CCDC7: variants seen among roughly 807,000 people sequenced by gnomAD.
CCDC7 encodes coiled-coil domain-containing protein 7.
CCDC7 carries 183 observed loss-of-function variants against 196.9 expected under a neutral mutation model. The ratio of observed to expected loss-of-function variants is 0.93; its 90% confidence interval spans 0.82 to 1.05. The LOEUF is 1.05. Among genes scored for constraint, CCDC7 ranks in the 50% least tolerant of loss-of-function variants. The pLI, the probability that CCDC7 is intolerant of heterozygous loss-of-function variation, is 0.00. For synonymous variants in CCDC7, 525 were observed against 484.6 expected (o/e 1.08, Z -1.10); for missense variants, 1,540 against 1,482.2 (o/e 1.04, Z -0.64).
At chr10:32,842,987 G>A (rs192766855) in intron 33 of CCDC7, among the ~76,000 whole-genome samples, 13 of 151,986 alleles carry the variant, frequency 8.6e-5, no homozygotes, top group Non-Finnish European at 1.6e-4. Context: ...TGGGTACAGT[G>A]TACACTGCTC....
At chr10:32,798,806 G>T (rs1004345808) in intron 29 of CCDC7, among the ~76,000 whole-genome samples, 1 of 152,196 alleles carries the variant, frequency 6.6e-6, no homozygotes, top group African/African-American at 2.4e-5. Context: ...CTAGAAAGGG[G>T]CTGTAGTGCT....
intron 41 of CCDC7, among the ~76,000 whole-genome samples, chr10:32,871,468 G>A (rs1297063372): frequency 2.7e-5 from 4 of 149,884 alleles, no homozygotes; most frequent in African/African-American, 1.0e-4. Context: ...ATTTTTTATT[G>A]CGTCTATTTG....
intron 25 of CCDC7, among the ~76,000 whole-genome samples, chr10:32,720,574 A>G (rs1047221500): frequency 6.6e-6 from 1 of 152,134 alleles, no homozygotes; most frequent in Non-Finnish European, 1.5e-5. Context: ...AACTATAATT[A>G]TAATTTAAAA....
intron 2 of CCDC7, among the ~76,000 whole-genome samples, chr10:32,454,085 G>A (rs1348990380): frequency 6.6e-6 from 1 of 152,082 alleles, no homozygotes; most frequent in African/African-American, 2.4e-5. Context: ...TTAGGATGTG[G>A]GGAAGCTAAA....
intron 21 of CCDC7, among the ~76,000 whole-genome samples, chr10:32,675,275 T>C (rs956346519): frequency 2.6e-5 from 4 of 152,160 alleles, no homozygotes; most frequent in Admixed American, 2.0e-4. Context: ...TTCTTTACGA[T>C]TACCATGAGG....
chr10:32,755,184 C>T (rs1223464689), intron 28 of CCDC7, among the ~76,000 whole-genome samples: 2 of 152,310 alleles, frequency 1.3e-5, no homozygotes, highest in East Asian at 1.9e-4. Context: ...GACTCCACCT[C>T]TGGGGGCAGG....
At chr10:32,643,067 T>G (rs2067127075) in intron 20 of CCDC7, among the ~76,000 whole-genome samples, 2 of 152,214 alleles carry the variant, frequency 1.3e-5, no homozygotes, top group Non-Finnish European at 2.9e-5. Context: ...ATTTTTTGAT[T>G]TCCTTTAATT....
At chr10:32,882,055 G>A (rs888685471), downstream of CCDC7, among the ~76,000 whole-genome samples, 1 of 152,100 alleles carries the variant, frequency 6.6e-6, no homozygotes, top group Admixed American at 6.6e-5. Context: ...AAGTCCATAA[G>A]AGCCAGTCTC....
intron 20 of CCDC7, among the ~76,000 whole-genome samples, chr10:32,660,587 C>A (rs1368538333): frequency 1.4e-5 from 2 of 146,452 alleles, no homozygotes; most frequent in Non-Finnish European, 3.0e-5. Flanking sequence ...AATAAACATA[C>A]GTGTGCATGT....
intron 33 of CCDC7, among the ~76,000 whole-genome samples, chr10:32,836,665 G>T (rs558511634): frequency 6.6e-6 from 1 of 152,162 alleles, no homozygotes; most frequent in African/African-American, 2.4e-5. Context: ...GTGTCTTTTG[G>T]CTGCATAAAT....
At chr10:32,719,999 C>T (rs770242800) in intron 25 of CCDC7, among the ~76,000 whole-genome samples, 24 of 152,112 alleles carry the variant, frequency 1.6e-4, no homozygotes, top group Non-Finnish European at 2.8e-4. Context: ...TACCATTTGA[C>T]CCAGCAATCC....
chr10:32,554,907 C>T (rs1456446926), intron 13 of CCDC7, among the ~76,000 whole-genome samples: 2 of 152,190 alleles, frequency 1.3e-5, no homozygotes, highest in African/African-American at 2.4e-5. Flanking sequence ...GCTCTATCTC[C>T]ATGAGTTTGT....
At chr10:32,757,068 T>C (rs1378731300) in intron 28 of CCDC7, among the ~76,000 whole-genome samples, 1 of 152,144 alleles carries the variant, frequency 6.6e-6, no homozygotes, top group African/African-American at 2.4e-5. Flanking sequence ...TAAATATATA[T>C]GCACCCAATA....
chr10:32,644,601 T>C (rs1478247850), intron 20 of CCDC7, among the ~76,000 whole-genome samples: 1 of 152,216 alleles, frequency 6.6e-6, no homozygotes, highest in Non-Finnish European at 1.5e-5. Flanking sequence ...TGTACTCCTA[T>C]AATTTCCACA....
Position 32,661,060 on chromosome 10 carries a change from T to A in CCDC7, c.2015-2994T>A, listed in dbSNP as rs1252301173. ...GGCAACCTACAAAATGGGAGAAAAT[T>A]TTCACAACCTACTCATCTGACAAAG... On this transcript the variant is annotated intron_variant, in intron 20 of 41. Transcript: ENST00000639629. Among the ~76,000 whole-genome samples, 17 of 147,328 alleles carry A rather than the reference T, an allele frequency of 1.2e-4. No homozygotes were observed. The Admixed American group carries it at 1.2e-3, about 10-fold the overall frequency.
chr10:32,500,697 G>T (rs998045701), intron 9 of CCDC7, among the ~76,000 whole-genome samples: 8 of 152,210 alleles, frequency 5.3e-5, no homozygotes, highest in Non-Finnish European at 1.0e-4. Context: ...AAGGCAGGCG[G>T]CTGGGAGGTG....
Position 32,471,063 on chromosome 10 carries a change from G to T in CCDC7, c.511-1G>T. On this transcript the variant is annotated splice_acceptor_variant, in intron 5 of 41. Transcript: ENST00000639629. LOFTEE classifies it high-confidence loss of function. The stretch of plus-strand genomic sequence containing the variant: ...ATAACTGGTTAATTTTATTATTTTA[G>T]ATAAGTAAAGATCAAACTCTTTTAC... 1 of 1,580,836 alleles carries T rather than the reference G, an allele frequency of 6.3e-7. No individual in the cohort carries two copies. The highest frequency in any genetic ancestry group is 8.6e-7 in the Non-Finnish European group (1 of 1,169,434).
rs35995782 is a variant in CCDC7, at chr10:32,689,742, G to GTT, written c.2344+588_2344+589dup. Among the ~76,000 whole-genome samples the GTT allele has an allele frequency of 1.6e-4, 23 of 140,786 alleles. No individual in the cohort carries two copies. In the East Asian group the frequency reaches 1.8e-3, roughly 11 times the overall value. 92.4% of individuals were successfully genotyped at this position (140,786 alleles called of 152,430 possible). A position where few individuals can be genotyped will look rare whatever the true frequency, so the allele number is the denominator to read the frequency against. On this transcript the variant is annotated intron_variant, in intron 23 of 41. Transcript: ENST00000639629. ...CAGTTCCAGTAACTGCTGGGCTTGT[G>GTT]TTTTTTTTTTGAGACACGGTCTCAC...
intron 29 of CCDC7, among the ~76,000 whole-genome samples, chr10:32,787,311 A>G (rs1360059644): frequency 6.6e-6 from 1 of 152,052 alleles, no homozygotes. Flanking sequence ...GAATGACATC[A>G]GCAAGATGGC....
Sources: gnomAD v4.1 joint callset for allele counts (sites outside exome capture counted in the v4.1 genomes callset) on GRCh38, gnomAD v4.1.1 for gene constraint, MANE v1.5 for transcripts, NCBI Gene and HGNC (gene_info 2026-07-23, HGNC 2026-07-21) for gene names.